LPIN2: variants seen among roughly 807,000 people sequenced by gnomAD.
LPIN2 encodes lipin 2, also known as phosphatidate phosphatase LPIN2.
In LPIN2, 55 loss-of-function variants were observed where a neutral mutation model predicts 111.4. The ratio of observed to expected loss-of-function variants is 0.49; its 90% CI spans 0.40 to 0.62. The LOEUF (loss-of-function observed/expected upper bound fraction) is 0.62. Among genes scored for constraint, LPIN2 ranks in the 20% least tolerant of loss-of-function variants. LPIN2 has a pLI of 0.00. For missense variants in LPIN2, 992 were observed against 1,112.1 expected, an observed-to-expected ratio of 0.89 and a Z score of 1.54; for synonymous variants, 425 against 414.0, an observed-to-expected ratio of 1.03 and a Z score of -0.32.
intron 1 of LPIN2, among the ~76,000 whole-genome samples, chr18:2,971,901 G>C (rs184529467): frequency 2.6e-5 from 4 of 152,066 alleles, no homozygotes; most frequent in Admixed American, 2.0e-4. Context: ...ACAAAAATTA[G>C]CCAGGCATGG....
intron 1 of LPIN2, among the ~76,000 whole-genome samples, chr18:2,994,204 G>T (rs1221334700): frequency 6.6e-6 from 1 of 152,232 alleles, no homozygotes; most frequent in East Asian, 1.9e-4. Flanking sequence ...CACTTTAGAA[G>T]GCTCTGTGTA....
In LPIN2 at chr18:2,917,113, CTGA is replaced by C. The variant is rs1298807752; in HGVS notation, c.*3177_*3179del. The C allele has an allele frequency of 1.1e-4, 16 of 152,324 alleles. No individual in the cohort carries two copies. In the East Asian group the frequency reaches 1.7e-3, roughly 17 times the overall value. 9.4% of individuals were successfully genotyped at this position (152,324 alleles called of 1,614,324 possible). A position where few individuals can be genotyped will look rare whatever the true frequency, so the allele number is the denominator to read the frequency against. On this transcript the variant is annotated 3_prime_UTR_variant, in exon 20 of 20. Transcript: ENST00000677752. ...CTTTACTGTAACTAAGAGTACTGTA[CTGA>C]TGATGTTTACAATTAACTTTGGACA... is the stretch of plus-strand genomic sequence containing the variant.
intron 1 of LPIN2, among the ~76,000 whole-genome samples, chr18:2,988,817 C>G (rs1214797708): frequency 6.6e-6 from 1 of 152,126 alleles, no homozygotes; most frequent in East Asian, 1.9e-4. Context: ...TGAAACAGAA[C>G]AAGTGTGACA....
chr18:2,997,378 CAG>C (rs2078362115), intron 1 of LPIN2, among the ~76,000 whole-genome samples: 1 of 151,622 alleles, frequency 6.6e-6, no homozygotes, highest in African/African-American at 2.4e-5. Context: ...CCACCCTCCT[CAG>C]CCTCCCAAAG....
At chr18:3,002,768 A>AT (rs1387349964) in intron 1 of LPIN2, among the ~76,000 whole-genome samples, 2 of 152,254 alleles carry the variant, frequency 1.3e-5, no homozygotes, top group African/African-American at 4.8e-5. Context: ...CATTAAAAAT[A>AT]TAAGCCCAGA....
chr18:2,996,317 T>G (rs1312858377), intron 1 of LPIN2, among the ~76,000 whole-genome samples: 1 of 151,390 alleles, frequency 6.6e-6, no homozygotes, highest in Admixed American at 6.6e-5. Flanking sequence ...TCCAGCCTGG[T>G]GACAGTGCAA....
At position 2,975,939 on chromosome 18, in the gene LPIN2, T is replaced by C. The variant is rs8086870; in HGVS notation, c.-9-15090A>G. 6.9e-3 allele frequency among the ~76,000 whole-genome samples: 1,058 copies of C among 152,322 alleles called. 19 individuals carry two copies. Among genetic ancestry groups the C allele is most frequent in the African/African-American group, 0.024 (1,001 of 41,562 alleles). On this transcript the variant is annotated intron_variant, in intron 1 of 19. Coordinates refer to ENST00000677752, the MANE Select transcript of LPIN2 (RefSeq NM_001375808.2). ...ATCCAAAATTCAAACACTCCAACTT[T>C]GAAACACTCCAACTCTATCGGAAGT... is the stretch of plus-strand genomic sequence containing the variant.
intron 1 of LPIN2, among the ~76,000 whole-genome samples, chr18:3,009,334 G>A (rs974041314): frequency 1.3e-5 from 2 of 151,488 alleles, no homozygotes; most frequent in Admixed American, 6.6e-5. Flanking sequence ...GGGAGGCGGA[G>A]GTTGCAGTCA....
chr18:2,921,707 GGTCCTAAAATTTTAGTGCTCACAACCA>G (rs2077056685), intron 17 of LPIN2, 60 bp from the exon 18 acceptor site: 1 of 1,240,512 alleles, frequency 8.1e-7, no homozygotes, highest in Non-Finnish European at 1.2e-6. Flanking sequence ...CCCAGTGAGT[GGTCCTAAAATTTTAGTGCTCACAACCA>G]CCCAATTTCT....
rs1225290090 is a variant in LPIN2 at position 2,945,570 on chromosome 18, T to A, written c.591-4858A>T. 4.0e-6 allele frequency: 6 copies of A among 1,510,950 alleles called. No individual in the cohort carries two copies. In the Admixed American group the frequency reaches 1.0e-4, roughly 25 times the overall value. The allele number at this position is 1,510,950 out of a possible 1,614,324, so 93.6% of individuals were successfully genotyped here. On this transcript the variant is annotated intron_variant, in intron 4 of 19. Coordinates refer to ENST00000677752, the MANE Select transcript of LPIN2 (RefSeq NM_001375808.2). ...CTCAATCTGCTGTGTCGTCTTTTTG[T>A]TTTTCCTGCTTTTTAGCTGCAGGCA...
chr18:3,007,799 G>A (rs1348534087), intron 1 of LPIN2, among the ~76,000 whole-genome samples: 1 of 152,084 alleles, frequency 6.6e-6, no homozygotes, highest in Non-Finnish European at 1.5e-5. Context: ...ACATACCGGA[G>A]GGCAATTCAA....
chr18:2,922,255 AAAAAAC>A, intron 16 of LPIN2, 56 bp from the exon 17 acceptor site: 1 of 1,567,924 alleles, frequency 6.4e-7, no homozygotes, highest in Non-Finnish European at 8.7e-7. Context: ...AAAAGAAAAC[AAAAAAC>A]AAAAAAAAAA....
At chr18:2,963,461 G>A (rs1008128204) in intron 1 of LPIN2, among the ~76,000 whole-genome samples, 1 of 151,946 alleles carries the variant, frequency 6.6e-6, no homozygotes, top group Non-Finnish European at 1.5e-5. Flanking sequence ...GATACACAAT[G>A]ATGTAACCCA....
At chr18:2,993,753 T>A (rs2143437477) in intron 1 of LPIN2, among the ~76,000 whole-genome samples, 1 of 152,290 alleles carries the variant, frequency 6.6e-6, no homozygotes, top group East Asian at 1.9e-4. Flanking sequence ...CATCTAGAAG[T>A]AACCCTAGAG....
At chr18:2,993,164 G>GA (rs1306753127) in intron 1 of LPIN2, among the ~76,000 whole-genome samples, 1 of 148,312 alleles carries the variant, frequency 6.7e-6, no homozygotes, top group Non-Finnish European at 1.5e-5. Flanking sequence ...AAAGAAAGAA[G>GA]AAAGGAAGAA....
intron 4 of LPIN2, among the ~76,000 whole-genome samples, chr18:2,942,072 T>C (rs756174063): frequency 5.9e-5 from 9 of 152,234 alleles, no homozygotes; most frequent in Non-Finnish European, 1.0e-4. Flanking sequence ...AACACAGGGA[T>C]AGAAAACCAG....
At chr18:2,960,609 G>A (rs762510593) in intron 2 of LPIN2, 40 bp downstream of exon 2, 1 of 1,594,328 alleles carries the variant, frequency 6.3e-7, no homozygotes, top group South Asian at 1.1e-5. Context: ...CTTTCTCTTT[G>A]AATCTCAGGA....
intron 6 of LPIN2, among the ~76,000 whole-genome samples, chr18:2,938,694 A>G (rs938568569): frequency 2.0e-5 from 3 of 152,238 alleles, no homozygotes; most frequent in Non-Finnish European, 4.4e-5. Flanking sequence ...AAACAGTGTA[A>G]AAGTGGCAAG....
chr18:2,940,815 G>A, intron 4 of LPIN2, 103 bp from the exon 5 acceptor site: 1 of 728,452 alleles, frequency 1.4e-6, no homozygotes, highest in Non-Finnish European at 2.5e-6. Context: ...AATGAAGAGG[G>A]GCAAATGATT....
Sources: allele counts gnomAD v4.1 joint callset (sites outside exome capture counted in the v4.1 genomes callset), GRCh38; gene constraint gnomAD v4.1.1; transcripts MANE v1.5; gene names NCBI Gene and HGNC (gene_info 2026-07-23, HGNC 2026-07-21).